Variants in ACTR2 observed in about 807,000 individuals in gnomAD.
ACTR2 encodes the protein actin related protein 2.
Under a neutral mutation model 50.2 loss-of-function variants are expected in ACTR2, and 5 were observed. That is an observed-to-expected ratio of 0.10 (90% confidence interval 0.05 to 0.21). The LOEUF (loss-of-function observed/expected upper bound fraction) is 0.21, where lower values mean the gene tolerates loss of function less well. ACTR2 is among the 10% of genes least tolerant of loss of function. The probability of loss-of-function intolerance (pLI) is 1.00; values close to 1 mark genes in which losing one functional copy is unlikely to be tolerated. For synonymous variants in ACTR2, 140 were observed against 162.9 expected (o/e 0.86, Z 1.07); for missense variants, 180 against 480.6 (o/e 0.37, Z 5.85).
chr2:65,265,137 T>C lies in ACTR2; in HGVS notation c.976T>C (p.Leu326=), dbSNP rs368887866. 6.2e-6 allele frequency: 10 copies of C among 1,614,236 alleles called. No individual in the cohort carries two copies. Among genetic ancestry groups the C allele is most frequent in the Non-Finnish European group, 7.6e-6 (9 of 1,180,036 alleles). ...RLERELKQLY[L]ERVLKGDVEK... is the part of the protein sequence containing the mutation. ...GGAACGAGAACTTAAACAGCTTTAC[T>C]TAGAACGAGTTTTGAAGGGTGATGT... The change falls in exon 8 of 9, where the codon TTA becomes CTA. Residue 326 remains leucine (L), a synonymous_variant. Coordinates refer to ENST00000260641, the MANE Select transcript of ACTR2 (RefSeq NM_005722.4).
At chr2:65,239,775 A>T in intron 1 of ACTR2, 77 bp from the exon 2 acceptor site, 1 of 925,404 alleles carries the variant, frequency 1.1e-6, no homozygotes, top group Admixed American at 1.9e-5. Flanking sequence ...ATGCAAAGTG[A>T]TATTTTTCAG....
At chr2:65,253,495 G>A (rs1410304446) in intron 4 of ACTR2, among the ~76,000 whole-genome samples, 1 of 151,760 alleles carries the variant, frequency 6.6e-6, no homozygotes, top group Non-Finnish European at 1.5e-5. Context: ...CAGTCTCAGG[G>A]TCTGTTTCTT....
intron 1 of ACTR2, 28 bp from the exon 2 acceptor site, chr2:65,239,824 C>A: frequency 7.6e-7 from 1 of 1,318,614 alleles, no homozygotes; most frequent in South Asian, 1.2e-5. Context: ...TGATGCTAAC[C>A]CACTTTTATT....
intron 6 of ACTR2, among the ~76,000 whole-genome samples, chr2:65,258,851 G>A (rs1046517143): frequency 6.6e-6 from 1 of 152,164 alleles, no homozygotes. Context: ...GCTTAAGGCA[G>A]GAGGTTTTGC....
At chr2:65,250,640 TC>T (rs1185575091) in intron 3 of ACTR2, among the ~76,000 whole-genome samples, 4 of 122,128 alleles carry the variant, frequency 3.3e-5, no homozygotes, top group African/African-American at 9.4e-5. Context: ...GCCACTGCAC[TC>T]CAGCTTGGGC....
chr2:65,259,371 A>G (rs1440175214), intron 6 of ACTR2, among the ~76,000 whole-genome samples: 5 of 152,206 alleles, frequency 3.3e-5, no homozygotes, highest in African/African-American at 9.6e-5. Context: ...GCAGTGAGCC[A>G]TGATCACACC....
chr2:65,267,154 C>T (rs1672388131), intron 8 of ACTR2, among the ~76,000 whole-genome samples: 1 of 152,122 alleles, frequency 6.6e-6, no homozygotes. Context: ...CATCTATAGC[C>T]CTTATGCCAA....
chr2:65,247,127 C>T (rs1472984550), intron 3 of ACTR2, among the ~76,000 whole-genome samples: 2 of 152,000 alleles, frequency 1.3e-5, no homozygotes, highest in East Asian at 3.9e-4. Flanking sequence ...GACCCATGAG[C>T]AATGCAGGGG....
chr2:65,246,810 G>C (rs1275533089), intron 3 of ACTR2, 71 bp downstream of exon 3: 7 of 1,038,504 alleles, frequency 6.7e-6, no homozygotes, highest in Non-Finnish European at 1.0e-5. Flanking sequence ...TTTTCTTACT[G>C]TTGCTATGGA....
intron 1 of ACTR2, among the ~76,000 whole-genome samples, chr2:65,233,894 AG>A (rs1185732050): frequency 1.3e-5 from 2 of 151,838 alleles, no homozygotes; most frequent in African/African-American, 4.8e-5. Context: ...TACAGGTGTG[AG>A]CCCCCACACT....
At position 65,270,349 on chromosome 2, in the gene ACTR2, A is replaced by T. The variant is rs1672468053; in HGVS notation, c.*1615A>T. On this transcript the variant is annotated 3_prime_UTR_variant, in exon 9 of 9. Transcript: ENST00000260641. ...AGCAGAAGGTTAGTTTTAATTATGT[A>T]GCTTCTGTTAATATTAAGTGTTTTT... 1 of 152,652 alleles carries T rather than the reference A, an allele frequency of 6.6e-6. No homozygotes were observed. The highest frequency in any genetic ancestry group is 1.5e-5 in the Non-Finnish European group (1 of 68,034). 9.5% of individuals were successfully genotyped at this position (152,652 alleles called of 1,614,324 possible).
intron 2 of ACTR2, chr2:65,242,152 G>GA (rs1467816708): frequency 2.2e-6 from 2 of 909,666 alleles, no homozygotes; most frequent in Non-Finnish European, 3.6e-6. Flanking sequence ...TAGTATTGGG[G>GA]AGGGGGGGTT....
At chr2:65,250,221 G>A (rs776883325) in intron 3 of ACTR2, among the ~76,000 whole-genome samples, 4 of 151,668 alleles carry the variant, frequency 2.6e-5, no homozygotes, top group South Asian at 2.1e-4. Context: ...AAAATTAGCC[G>A]GGTGTGGTGG....
intron 2 of ACTR2, chr2:65,242,605 A>G (rs368345961): frequency 3.8e-5 from 19 of 499,010 alleles, no homozygotes; most frequent in Non-Finnish European, 7.2e-5. Flanking sequence ...ATCCTTACTG[A>G]TGAGCAGATT....
intron 8 of ACTR2, among the ~76,000 whole-genome samples, chr2:65,266,858 A>G (rs1231015575): frequency 2.6e-5 from 4 of 152,198 alleles, no homozygotes; most frequent in Non-Finnish European, 5.9e-5. Flanking sequence ...TTTCTTTCCT[A>G]TCTTGTTCAG....
chr2:65,229,750 CAAAAA>C (rs57953942), intron 1 of ACTR2, among the ~76,000 whole-genome samples: 4 of 54,050 alleles, frequency 7.4e-5, no homozygotes, highest in Admixed American at 6.2e-4. Flanking sequence ...GACTCCGTCT[CAAAAA>C]AAAAAAAAAA....
At chr2:65,255,365 A>G (rs1672130877) in intron 5 of ACTR2, among the ~76,000 whole-genome samples, 180 bp from the exon 6 acceptor site, 1 of 152,184 alleles carries the variant, frequency 6.6e-6, no homozygotes, top group Admixed American at 6.5e-5. Context: ...ACCCTCTCTG[A>G]AACTGAAATA....
At chr2:65,246,815 T>C in intron 3 of ACTR2, 76 bp downstream of exon 3, 1 of 1,020,572 alleles carries the variant, frequency 9.8e-7, no homozygotes, top group Non-Finnish European at 1.5e-6. Flanking sequence ...TTACTGTTGC[T>C]ATGGATAAAG....
chr2:65,261,918 A>G (rs546086392), intron 7 of ACTR2, among the ~76,000 whole-genome samples: 10 of 152,270 alleles, frequency 6.6e-5, no homozygotes, highest in Admixed American at 5.9e-4. Flanking sequence ...CCTCTTTTTG[A>G]TAATAGCCAT....
Sources: gnomAD v4.1 joint callset for allele counts (sites outside exome capture counted in the v4.1 genomes callset) on GRCh38, gnomAD v4.1.1 for gene constraint, MANE v1.5 for transcripts, NCBI Gene and HGNC (gene_info 2026-07-23, HGNC 2026-07-21) for gene names.